CNTN6: variants seen among roughly 807,000 people sequenced by gnomAD.
CNTN6 encodes the protein contactin 6, also known as contactin-6.
Under a neutral mutation model 122.8 loss-of-function variants are expected in CNTN6, and 137 were observed. The ratio of observed to expected loss-of-function variants is 1.12; its 90% CI spans 0.97 to 1.29. The LOEUF (loss-of-function observed/expected upper bound fraction) is 1.29, where lower values mean the gene tolerates loss of function less well. CNTN6 is among the 50% of genes most tolerant of loss of function. CNTN6 has a pLI of 0.00. For synonymous variants in CNTN6, 570 were observed against 426.0 expected, an observed-to-expected ratio of 1.34 and a Z score of -4.16; for missense variants, 1,634 against 1,223.4, an observed-to-expected ratio of 1.34 and a Z score of -5.01.
intron 1 of CNTN6, among the ~76,000 whole-genome samples, chr3:1,101,917 G>T (rs1438458270): frequency 1.3e-5 from 2 of 152,182 alleles, no homozygotes. Context: ...TGTTAGCACA[G>T]CAATTCCTAG....
chr3:1,285,286 C>A (rs1362147521), intron 5 of CNTN6, among the ~76,000 whole-genome samples: 1 of 152,066 alleles, frequency 6.6e-6, no homozygotes, highest in Non-Finnish European at 1.5e-5. Context: ...GGATTTGGGA[C>A]CGAGCAACTG....
At chr3:1,161,026 G>C (rs971522215) in intron 2 of CNTN6, among the ~76,000 whole-genome samples, 8 of 151,318 alleles carry the variant, frequency 5.3e-5, no homozygotes, top group Admixed American at 2.6e-4. Flanking sequence ...TATTTGTATG[G>C]TGGAAATATC....
chr3:1,378,617 T>C (rs1710221553), intron 17 of CNTN6, among the ~76,000 whole-genome samples: 1 of 152,144 alleles, frequency 6.6e-6, no homozygotes, highest in Non-Finnish European at 1.5e-5. Flanking sequence ...GGGGAAACCC[T>C]ATTTTTTCAA....
At chr3:1,259,128 T>C (rs971816112) in intron 4 of CNTN6, among the ~76,000 whole-genome samples, 3 of 152,282 alleles carry the variant, frequency 2.0e-5, no homozygotes, top group East Asian at 1.9e-4. Flanking sequence ...GTCCTACCAA[T>C]GATGACTGTT....
intron 20 of CNTN6, chr3:1,394,296 G>GC: frequency 5.2e-6 from 1 of 193,960 alleles, no homozygotes. Flanking sequence ...AGCAGTGACG[G>GC]CCCCCCGAAA....
At chr3:1,280,840 C>A (rs1388870732) in intron 5 of CNTN6, among the ~76,000 whole-genome samples, 1 of 152,112 alleles carries the variant, frequency 6.6e-6, no homozygotes. Flanking sequence ...ATGTTTCTTG[C>A]TGTTAAGGTC....
intron 5 of CNTN6, among the ~76,000 whole-genome samples, chr3:1,282,219 T>C (rs1284402603): frequency 6.6e-6 from 1 of 152,162 alleles, no homozygotes; most frequent in Non-Finnish European, 1.5e-5. Flanking sequence ...TTCTTCTGCG[T>C]AAACGAAAGG....
At chr3:1,382,515 CAT>C (rs558784927) in intron 17 of CNTN6, among the ~76,000 whole-genome samples, 45 of 152,238 alleles carry the variant, frequency 3.0e-4, no homozygotes, top group African/African-American at 8.4e-4. Flanking sequence ...TTCCATTACA[CAT>C]GTCTTACAAA....
intron 9 of CNTN6, among the ~76,000 whole-genome samples, chr3:1,326,589 TAC>T (rs1701575590): frequency 6.6e-6 from 1 of 151,884 alleles, no homozygotes; most frequent in African/African-American, 2.4e-5. Flanking sequence ...ATTTAAAGCA[TAC>T]TTTCTTCTAC....
Position 1,157,220 on chromosome 3 carries a change from AATTT to A in CNTN6, c.55+9172_55+9175del, listed in dbSNP as rs1553609959. ...TATTTATTTATTTATTTATTTATTTAATTTATTTATTTATTTATGTACTTATTGT... is the reference window on the plus strand; with the variant it reads ...TATTTATTTATTTATTTATTTATTTAATTTATTTATTTATGTACTTATTGT... On this transcript the variant is annotated intron_variant, in intron 2 of 22. Coordinates refer to ENST00000446702, the MANE Select transcript of CNTN6 (RefSeq NM_001289080.2). 2.8e-3 allele frequency among the ~76,000 whole-genome samples: 386 copies of A among 139,894 alleles called. 4 individuals are homozygous for A. The highest frequency in any genetic ancestry group is 0.023 in the East Asian group (114 of 4,868). 91.8% of individuals were successfully genotyped at this position (139,894 alleles called of 152,430 possible).
intron 12 of CNTN6, among the ~76,000 whole-genome samples, chr3:1,353,530 T>C (rs567639448): frequency 2.6e-4 from 40 of 151,762 alleles, no homozygotes; most frequent in African/African-American, 8.9e-4. Flanking sequence ...GAAAAACTTC[T>C]CTTCCTTAAG....
At chr3:1,170,000 C>T (rs1178009925) in intron 2 of CNTN6, among the ~76,000 whole-genome samples, 4 of 151,858 alleles carry the variant, frequency 2.6e-5, no homozygotes, top group South Asian at 2.1e-4. Flanking sequence ...TTTGTGAGGC[C>T]GAGGCGGGCG....
intron 5 of CNTN6, among the ~76,000 whole-genome samples, chr3:1,289,805 G>A (rs998636149): frequency 2.1e-4 from 32 of 151,812 alleles, no homozygotes; most frequent in African/African-American, 5.8e-4. Flanking sequence ...CTCCCCAGCA[G>A]CTGGGACTAC....
chr3:1,206,585 C>T (rs976529870), intron 2 of CNTN6, among the ~76,000 whole-genome samples: 2 of 152,148 alleles, frequency 1.3e-5, no homozygotes, highest in African/African-American at 4.8e-5. Flanking sequence ...GCACCATTGA[C>T]CCCATGTCTT....
chr3:1,252,655 C>T (rs17036469), intron 4 of CNTN6, among the ~76,000 whole-genome samples: 10,550 of 152,132 alleles, frequency 0.069, 418 homozygotes, highest in African/African-American at 0.1. Flanking sequence ...TCAAAGTTTG[C>T]ATATTCATGA....
intron 12 of CNTN6, among the ~76,000 whole-genome samples, chr3:1,369,770 AT>A (rs200172541): frequency 1.3e-4 from 19 of 149,156 alleles, no homozygotes; most frequent in Admixed American, 2.7e-4. Flanking sequence ...GACATTTGTG[AT>A]TTTTTTTTTC....
chr3:1,246,174 G>A (rs953933665), intron 4 of CNTN6, among the ~76,000 whole-genome samples: 1 of 151,986 alleles, frequency 6.6e-6, no homozygotes, highest in Non-Finnish European at 1.5e-5. Flanking sequence ...CCCCCAGAAG[G>A]TCCGCCCATT....
chr3:1,384,200 G>A (rs1316312779), intron 19 of CNTN6, among the ~76,000 whole-genome samples: 1 of 152,088 alleles, frequency 6.6e-6, no homozygotes, highest in Non-Finnish European at 1.5e-5. Context: ...TTTTCAAGAG[G>A]ACAGATCTCA....
At chr3:1,178,407 C>T (rs1022276524) in intron 2 of CNTN6, among the ~76,000 whole-genome samples, 1 of 152,140 alleles carries the variant, frequency 6.6e-6, no homozygotes, top group Non-Finnish European at 1.5e-5. Flanking sequence ...ACTATGTTTT[C>T]CATTCCTAGA....
Sources: gnomAD v4.1 joint callset for allele counts (sites outside exome capture counted in the v4.1 genomes callset) on GRCh38, gnomAD v4.1.1 for gene constraint, MANE v1.5 for transcripts, NCBI Gene and HGNC (gene_info 2026-07-23, HGNC 2026-07-21) for gene names.